USP45: variants seen among roughly 807,000 people sequenced by gnomAD.
USP45 encodes the protein ubiquitin carboxyl-terminal hydrolase 45.
A neutral mutation model predicts 95.8 loss-of-function variants in USP45; 89 were observed. The ratio of observed to expected loss-of-function variants is 0.93; its 90% CI spans 0.78 to 1.11. The LOEUF is 1.11. Among genes scored for constraint, USP45 ranks in the 50% least tolerant of loss-of-function variants. The pLI, the probability that USP45 is intolerant of heterozygous loss-of-function variation, is 0.00. For synonymous variants in USP45, 281 were observed against 316.2 expected, an observed-to-expected ratio of 0.89 and a Z score of 1.18; for missense variants, 898 against 942.5, an observed-to-expected ratio of 0.95 and a Z score of 0.62.
chr6:99,448,361 TGAAAACCATGACAG>T (rs1258774480), intron 13 of USP45, among the ~76,000 whole-genome samples: 1 of 152,122 alleles, frequency 6.6e-6, no homozygotes, highest in African/African-American at 2.4e-5. Context: ...CTGATTGAGC[TGAAAACCATGACAG>T]GAGAACTACG....
intron 15 of USP45, among the ~76,000 whole-genome samples, chr6:99,442,692 C>A (rs963106305): frequency 6.6e-6 from 1 of 151,486 alleles, no homozygotes; most frequent in African/African-American, 2.4e-5. Context: ...ACTAAAAATA[C>A]AAAAATTAGC....
In USP45 at chr6:99,443,469, G is replaced by A. The variant is rs1374037066; in HGVS notation, c.2073+96C>T. On this transcript the variant is annotated intron_variant, in intron 15 of 17. Transcript: ENST00000500704. ...CATGACACATTTTAAAATGCAATAAGTTACTGGTTATTGTCTAATTCTTGA... is the reference window on the plus strand; with the variant it reads ...CATGACACATTTTAAAATGCAATAAATTACTGGTTATTGTCTAATTCTTGA... The A allele has an allele frequency of 3.8e-5, 28 of 736,042 alleles. 1 individual carries two copies. Among genetic ancestry groups the A allele is most frequent in the Non-Finnish European group, 5.4e-5 (25 of 465,922 alleles). 45.6% of individuals were successfully genotyped at this position (736,042 alleles called of 1,614,324 possible). A position where few individuals can be genotyped will look rare whatever the true frequency, so the allele number is the denominator to read the frequency against.
chr6:99,452,602 T>G (rs2128578383), intron 13 of USP45, among the ~76,000 whole-genome samples: 1 of 152,340 alleles, frequency 6.6e-6, no homozygotes, highest in African/African-American at 2.4e-5. Context: ...GTTCAACTAT[T>G]GTGGAAGACA....
At chr6:99,471,855 A>ATTGTCTGCCCT (rs1465417196) in intron 9 of USP45, among the ~76,000 whole-genome samples, 1 of 152,212 alleles carries the variant, frequency 6.6e-6, no homozygotes, top group Non-Finnish European at 1.5e-5. Context: ...TTCCCAGGCC[A>ATTGTCTGCCCT]GACAATGCAG....
In USP45 at chr6:99,460,822, T is replaced by A. The variant is rs140533183; in HGVS notation, c.1308+3782A>T. On this transcript the variant is annotated intron_variant, in intron 13 of 17. Transcript: ENST00000500704. Reference sequence around the variant, plus strand: ...TCAGCAATTCCATAATAACACCTTTTATAATAACTAAAAAGAAAACAGAGG... The same window carrying A: ...TCAGCAATTCCATAATAACACCTTTAATAATAACTAAAAAGAAAACAGAGG... 3.7e-4 allele frequency: 369 copies of A among 984,214 alleles called. 3 individuals are homozygous for A. The African/African-American group carries it at 5.5e-3, about 15-fold the overall frequency. 61.0% of individuals were successfully genotyped at this position (984,214 alleles called of 1,614,324 possible).
intron 1 of USP45, among the ~76,000 whole-genome samples, chr6:99,514,202 C>A (rs1372348296): frequency 6.6e-6 from 1 of 152,158 alleles, no homozygotes; most frequent in East Asian, 1.9e-4. Context: ...TAGAAAAAGA[C>A]ACAAGCGGAG....
intron 7 of USP45, among the ~76,000 whole-genome samples, chr6:99,485,175 C>CAAAAAAAAAAAAA (rs1190400783): frequency 5.6e-5 from 5 of 88,672 alleles, no homozygotes; most frequent in South Asian, 3.7e-4. Flanking sequence ...ACTAAAAATA[C>CAAAAAAAAAAAAA]AAAAAAAAAA....
At chr6:99,475,671 T>G (rs932648557) in intron 9 of USP45, among the ~76,000 whole-genome samples, 1 of 152,080 alleles carries the variant, frequency 6.6e-6, no homozygotes, top group Admixed American at 6.6e-5. Context: ...CCAAAGGACA[T>G]TAACTAAAAA....
At position 99,479,397 on chromosome 6, in the gene USP45, T is replaced by A. The variant is rs1322883302; in HGVS notation, c.846-3167A>T. Among the ~76,000 whole-genome samples the A allele has an allele frequency of 3.3e-5, 5 of 151,356 alleles. 1 individual carries two copies. In the South Asian group the frequency reaches 1.0e-3, roughly 32 times the overall value. ...TGGCTAATTTTTTTTTCATAGAGTC[T>A]CCCTATGTTGTCCTGGCTAGTCTCA... On this transcript the variant is annotated intron_variant, in intron 8 of 17. Transcript: ENST00000500704.
Position 99,465,060 on chromosome 6 carries a change from AT to A in USP45, c.1164+19del. On this transcript the variant is annotated intron_variant, in intron 12 of 17. Transcript: ENST00000500704. Reference sequence around the variant, plus strand: ...AAATGTTCTTCACCAAAGCTTCATCATTAGTTTTCTTCTCCTTACCCTTTCT... The same window carrying A: ...AAATGTTCTTCACCAAAGCTTCATCATAGTTTTCTTCTCCTTACCCTTTCT... The A allele has an allele frequency of 6.4e-7, 1 of 1,562,508 alleles. No individual in the cohort carries two copies. Among genetic ancestry groups the A allele is most frequent in the South Asian group, 1.2e-5 (1 of 84,904 alleles).
intron 15 of USP45, among the ~76,000 whole-genome samples, chr6:99,440,965 T>C (rs1032648482): frequency 6.6e-6 from 1 of 152,202 alleles, no homozygotes; most frequent in Non-Finnish European, 1.5e-5. Context: ...GACTTTAATA[T>C]AAGATGAATC....
At chr6:99,497,229 G>A (rs940999068) in intron 5 of USP45, among the ~76,000 whole-genome samples, 16 of 151,856 alleles carry the variant, frequency 1.1e-4, no homozygotes, top group African/African-American at 3.9e-4. Context: ...CATTATATAT[G>A]ACCTTTTTAT....
upstream of USP45, among the ~76,000 whole-genome samples, chr6:99,515,717 T>C (rs1205887655): frequency 2.7e-5 from 4 of 150,336 alleles, no homozygotes; most frequent in South Asian, 8.5e-4. Context: ...CACTTGTTGC[T>C]GGGCACCTTC....
In USP45 at chr6:99,435,752, T is replaced by C; in HGVS notation, c.2409A>G (p.Ala803=). Residue 803 remains alanine (A), a synonymous_variant, in exon 18 of 18, where the codon GCA becomes GCG. Transcript: ENST00000500704. The stretch of plus-strand genomic sequence containing the variant: ...TTTCATAGAAAAGAAGGTAGGCTTG[T>C]GCACTAAGTGCTCTTGATTCTGGAA... The part of the protein sequence containing the change: ...QVVPESRALS[A]QAYLLFYERV... 1 of 1,613,604 alleles carries C rather than the reference T, an allele frequency of 6.2e-7. No individual in the cohort carries two copies. Among genetic ancestry groups the C allele is most frequent in the Non-Finnish European group, 8.5e-7 (1 of 1,179,560 alleles).
At chr6:99,485,046 T>C (rs1235190200) in intron 7 of USP45, among the ~76,000 whole-genome samples, 1 of 151,940 alleles carries the variant, frequency 6.6e-6, no homozygotes, top group Non-Finnish European at 1.5e-5. Context: ...AAAGTACATT[T>C]AGACCTGGCG....
chr6:99,494,165 T>TA (rs148342712), intron 5 of USP45, among the ~76,000 whole-genome samples: 6,623 of 152,278 alleles, frequency 0.043, 336 homozygotes, highest in East Asian at 0.28. Context: ...AAAAGGGATT[T>TA]ATCTCACCTT....
rs551281941 is a variant in USP45 at position 99,499,223 on chromosome 6, T to C, written c.478+4542A>G. On this transcript the variant is annotated intron_variant, in intron 5 of 17. Transcript: ENST00000500704. ...GCACAGGCTTTCTTCTCAATAACTA[T>C]TTTTACTTAGTACAAAAATATAAAA... Among the ~76,000 whole-genome samples the C allele has an allele frequency of 5.3e-5, 8 of 152,340 alleles. No individual in the cohort carries two copies. In the South Asian group the frequency reaches 1.5e-3, roughly 28 times the overall value.
At chr6:99,439,318 A>G (rs1253935733) in intron 16 of USP45, among the ~76,000 whole-genome samples, 1 of 152,206 alleles carries the variant, frequency 6.6e-6, no homozygotes, top group East Asian at 1.9e-4. Flanking sequence ...GCAGTTTTGA[A>G]GTATCACACT....
intron 15 of USP45, among the ~76,000 whole-genome samples, chr6:99,442,398 G>A (rs568104995): frequency 4.6e-5 from 7 of 152,282 alleles, no homozygotes; most frequent in Admixed American, 1.3e-4. Flanking sequence ...AATCTAATCT[G>A]TGGATAGGGA....
Sources: gnomAD v4.1 joint callset for allele counts (sites outside exome capture counted in the v4.1 genomes callset) on GRCh38, gnomAD v4.1.1 for gene constraint, MANE v1.5 for transcripts, NCBI Gene and HGNC (gene_info 2026-07-23, HGNC 2026-07-21) for gene names.